CCDC30: variants seen among roughly 807,000 people sequenced by gnomAD.
CCDC30 encodes the protein coiled-coil domain containing 30.
CCDC30 carries 70 observed loss-of-function variants against 100.2 expected under a neutral mutation model. The observed-to-expected ratio is 0.70, with a 90% confidence interval of 0.58 to 0.85. The LOEUF (loss-of-function observed/expected upper bound fraction) is 0.85. Ranked by LOEUF, CCDC30 falls within the 40% of genes least tolerant of loss-of-function variation. The probability of loss-of-function intolerance (pLI) is 0.00; values close to 1 mark genes in which losing one functional copy is unlikely to be tolerated. For synonymous variants in CCDC30, 233 were observed against 269.5 expected (o/e 0.86, Z 1.33); for missense variants, 652 against 771.2 (o/e 0.85, Z 1.83).
chr1:42,489,410 C>A (rs925896677), intron 3 of CCDC30, among the ~76,000 whole-genome samples: 2 of 152,172 alleles, frequency 1.3e-5, no homozygotes, highest in African/African-American at 4.8e-5. Context: ...TTAGGTGAAT[C>A]TGGTGGGTTA....
intron 10 of CCDC30, among the ~76,000 whole-genome samples, chr1:42,597,075 G>A (rs948777040): frequency 2.0e-5 from 3 of 152,110 alleles, no homozygotes; most frequent in Admixed American, 2.0e-4. Context: ...TGTCCTTGAG[G>A]ACATCTGAAT....
Position 42,536,602 on chromosome 1 carries a change from GTATT to G in CCDC30, c.457-29693_457-29690del. ...GAAGGCCTTGAAAGTTGAAAGTGAG[GTATT>G]ACCATTCAGGAAGCTGTTTTCTTCT... On this transcript the variant is annotated intron_variant, in intron 6 of 16. Transcript: ENST00000668663. 2 of 1,560,524 alleles carry G rather than the reference GTATT, an allele frequency of 1.3e-6. No individual in the cohort carries two copies. Among genetic ancestry groups the G allele is most frequent in the Non-Finnish European group, 1.8e-6 (2 of 1,138,258 alleles).
At chr1:42,520,582 G>A (rs984171508) in intron 6 of CCDC30, among the ~76,000 whole-genome samples, 3 of 148,252 alleles carry the variant, frequency 2.0e-5, no homozygotes, top group Non-Finnish European at 3.0e-5. Context: ...TGCCCATCTC[G>A]GCCTCTCAAA....
At chr1:42,541,898 A>G (rs1645018768) in intron 6 of CCDC30, among the ~76,000 whole-genome samples, 1 of 152,218 alleles carries the variant, frequency 6.6e-6, no homozygotes, top group Non-Finnish European at 1.5e-5. Context: ...ACAGAATTTT[A>G]GAGCTGAAAT....
At chr1:42,650,499 G>A (rs61775600) in intron 15 of CCDC30, among the ~76,000 whole-genome samples, 5,003 of 25,332 alleles carry the variant, frequency 0.2, 81 homozygotes, top group South Asian at 0.25. Context: ...AAATATATAT[G>A]TGTGTGTGTG....
intron 6 of CCDC30, among the ~76,000 whole-genome samples, chr1:42,543,267 C>G (rs998956262): frequency 6.8e-6 from 1 of 147,468 alleles, no homozygotes; most frequent in African/African-American, 2.5e-5. Context: ...GCCACCACAA[C>G]TGGCCTTCTT....
At chr1:42,643,460 G>A (rs1647622878) in intron 13 of CCDC30, among the ~76,000 whole-genome samples, 1 of 152,186 alleles carries the variant, frequency 6.6e-6, no homozygotes, top group South Asian at 2.1e-4. Flanking sequence ...ATCTTTTACT[G>A]TCTGTGTCTC....
chr1:42,615,491 G>T (rs2148649644), intron 11 of CCDC30, among the ~76,000 whole-genome samples: 1 of 152,130 alleles, frequency 6.6e-6, no homozygotes, highest in South Asian at 2.1e-4. Context: ...TAGAGATGGG[G>T]TTTCACCATG....
intron 6 of CCDC30, among the ~76,000 whole-genome samples, chr1:42,543,585 A>G (rs1645061620): frequency 6.6e-6 from 1 of 152,132 alleles, no homozygotes; most frequent in Non-Finnish European, 1.5e-5. Flanking sequence ...CTTACTTTGT[A>G]GCCTCTATTC....
intron 11 of CCDC30, among the ~76,000 whole-genome samples, chr1:42,634,467 G>T (rs908020015): frequency 6.6e-6 from 1 of 152,082 alleles, no homozygotes; most frequent in Non-Finnish European, 1.5e-5. Flanking sequence ...CAATGCAGAG[G>T]TTTGTTTAGA....
rs142514363 is a variant in CCDC30, at chr1:42,463,307, T to C, written c.-683T>C. ...GGTTGCTATGACGCCCAGGTCTCCG[T>C]AGGCACCTGCAGCTAGCAGCTGAGC... On this transcript the variant is annotated 5_prime_UTR_variant, in exon 1 of 17. It removes the in-frame stop codon of an upstream open reading frame in the 5' UTR. Coordinates refer to ENST00000668663, the Ensembl canonical transcript of CCDC30. The C allele has an allele frequency of 1.3e-5, 2 of 152,314 alleles. No individual in the cohort carries two copies. The highest frequency in any genetic ancestry group is 3.9e-4 in the East Asian group (2 of 5,180). 9.4% of individuals were successfully genotyped at this position (152,314 alleles called of 1,614,324 possible). A position where few individuals can be genotyped will look rare whatever the true frequency, so the allele number is the denominator to read the frequency against.
rs144602531 is a variant in CCDC30 at position 42,471,776 on chromosome 1, G to A, written c.-92+7878G>A. ...ACTTGGGTGTTTTTCATCAGTATGA[G>A]TATCAGCTGATAATTAAAACCATTT... On this transcript the variant is annotated intron_variant, in intron 1 of 16. Coordinates refer to ENST00000668663, the Ensembl canonical transcript of CCDC30. Among the ~76,000 whole-genome samples, 603 of 152,294 alleles carry A rather than the reference G, an allele frequency of 4.0e-3. 3 individuals carry two copies. Among genetic ancestry groups the A allele is most frequent in the African/African-American group, 0.014 (575 of 41,540 alleles).
chr1:42,524,700 G>C (rs1425422449), intron 6 of CCDC30, among the ~76,000 whole-genome samples: 2 of 152,188 alleles, frequency 1.3e-5, no homozygotes, highest in Non-Finnish European at 2.9e-5. Flanking sequence ...CTGCCACAGG[G>C]GTGGAGGAGA....
At chr1:42,506,619 A>G (rs766595365) in intron 6 of CCDC30, among the ~76,000 whole-genome samples, 2 of 152,228 alleles carry the variant, frequency 1.3e-5, no homozygotes, top group Admixed American at 6.5e-5. Context: ...ACATCATTTT[A>G]GCAATTCCAT....
chr1:42,510,064 G>T, intron 6 of CCDC30: 1 of 985,378 alleles, frequency 1.0e-6, no homozygotes, highest in South Asian at 4.7e-5. Context: ...GGTTTGTGTT[G>T]TAGAATTGGA....
intron 6 of CCDC30, among the ~76,000 whole-genome samples, chr1:42,549,021 G>A (rs1008413483): frequency 2.0e-5 from 3 of 152,048 alleles, no homozygotes; most frequent in African/African-American, 4.8e-5. Flanking sequence ...ATAGAGTAAC[G>A]GACTCTTAGA....
At chr1:42,534,021 G>T (rs1345749735) in intron 6 of CCDC30, 3 of 152,124 alleles carry the variant, frequency 2.0e-5, no homozygotes, top group Non-Finnish European at 4.4e-5. Context: ...ATTATTTATT[G>T]CCCCTTTCTT....
intron 14 of CCDC30, 131 bp downstream of exon 18, chr1:42,644,938 A>C: frequency 3.2e-6 from 2 of 632,538 alleles, no homozygotes; most frequent in Non-Finnish European, 5.6e-6. Flanking sequence ...GGCTGTGGCA[A>C]AGAGGCTCTT....
At chr1:42,461,700 C>G (rs534017098), upstream of CCDC30, among the ~76,000 whole-genome samples, 6 of 152,128 alleles carry the variant, frequency 3.9e-5, no homozygotes, top group African/African-American at 7.2e-5. Flanking sequence ...GCGCCCGCCA[C>G]CACGCCCAGC....
Sources: gnomAD v4.1 joint callset for allele counts (sites outside exome capture counted in the v4.1 genomes callset) on GRCh38, gnomAD v4.1.1 for gene constraint, MANE v1.5 for transcripts, NCBI Gene and HGNC (gene_info 2026-07-23, HGNC 2026-07-21) for gene names.